The following GALNT14 variants were observed in gnomAD, a reference collection of about 807,000 sequenced individuals.
GALNT14 encodes UDP-GalNAc:polypeptide N-acetylgalactosaminyltransferase 14.
A neutral mutation model predicts 77.5 loss-of-function variants in GALNT14; 60 were observed. That is an observed-to-expected ratio of 0.77 (90% confidence interval 0.63 to 0.96). GALNT14 has a LOEUF of 0.96. GALNT14 is among the 40% of genes least tolerant of loss of function. GALNT14 has a pLI of 0.00. For synonymous variants in GALNT14, 280 were observed against 281.7 expected (o/e 0.99, Z 0.06); for missense variants, 710 against 731.0 (o/e 0.97, Z 0.33).
chr2:31,048,170 CAG>C (rs1158450028), intron 1 of GALNT14, among the ~76,000 whole-genome samples: 1 of 152,250 alleles, frequency 6.6e-6, no homozygotes. Flanking sequence ...AGGGGATGTG[CAG>C]AGTCAGGGAT....
At chr2:30,958,796 T>C (rs1478241933) in intron 3 of GALNT14, among the ~76,000 whole-genome samples, 4 of 152,170 alleles carry the variant, frequency 2.6e-5, no homozygotes, top group African/African-American at 9.7e-5. Flanking sequence ...TCACTTCTTA[T>C]ATCTCTCCCC....
At chr2:31,032,501 A>G (rs1025125193) in intron 1 of GALNT14, among the ~76,000 whole-genome samples, 4 of 152,122 alleles carry the variant, frequency 2.6e-5, no homozygotes, top group Non-Finnish European at 5.9e-5. Flanking sequence ...AGCTGGGCTT[A>G]ATTGTTGCTG....
At chr2:30,897,525 T>C in the GALNT14 span, among the ~76,000 whole-genome samples, 1 of 152,204 alleles carries the variant, frequency 6.6e-6, no homozygotes, top group African/African-American at 2.4e-5. Flanking sequence ...GAAGCAGAGC[T>C]GGAGCTGGCG....
chr2:31,024,470 T>A (rs1040407754), intron 1 of GALNT14, among the ~76,000 whole-genome samples: 1 of 152,036 alleles, frequency 6.6e-6, no homozygotes, highest in Non-Finnish European at 1.5e-5. Flanking sequence ...ACCAGGTTCC[T>A]CCCCAGGCCA....
At chr2:30,928,798 G>A (rs1665544695) in intron 11 of GALNT14, among the ~76,000 whole-genome samples, 1 of 152,096 alleles carries the variant, frequency 6.6e-6, no homozygotes, top group East Asian at 1.9e-4. Flanking sequence ...TGTATTTTTA[G>A]TAGAGTTGGG....
At chr2:30,924,374 A>G (rs533516919) in intron 12 of GALNT14, 111 bp from the exon 13 acceptor site, 1 of 1,174,828 alleles carries the variant, frequency 8.5e-7, no homozygotes, top group East Asian at 2.3e-5. Context: ...GGGCTGTTAG[A>G]AAATATCTGC....
intron 1 of GALNT14, among the ~76,000 whole-genome samples, chr2:31,110,284 A>G (rs1215383651): frequency 6.6e-6 from 1 of 152,116 alleles, no homozygotes; most frequent in Non-Finnish European, 1.5e-5. Context: ...CACTCTATTC[A>G]CTATTCTCTG....
At chr2:30,950,258 GA>G (rs890430394) in intron 6 of GALNT14, among the ~76,000 whole-genome samples, 8 of 148,722 alleles carry the variant, frequency 5.4e-5, no homozygotes, top group Non-Finnish European at 8.9e-5. Flanking sequence ...TAAGGAGACT[GA>G]AAAAAAAATA....
At chr2:30,964,319 G>A (rs1343528992) in intron 3 of GALNT14, among the ~76,000 whole-genome samples, 1 of 152,160 alleles carries the variant, frequency 6.6e-6, no homozygotes, top group Non-Finnish European at 1.5e-5. Flanking sequence ...ACAACGGCAG[G>A]GCTGTGGTCT....
intron 1 of GALNT14, among the ~76,000 whole-genome samples, chr2:31,023,443 G>A (rs189540558): frequency 7.3e-4 from 111 of 152,002 alleles, no homozygotes; most frequent in Middle Eastern, 3.4e-3. Context: ...GCATACATGC[G>A]GTGAATTTCC....
intron 1 of GALNT14, among the ~76,000 whole-genome samples, chr2:31,085,044 C>T (rs1026089670): frequency 6.6e-6 from 1 of 150,500 alleles, no homozygotes; most frequent in Non-Finnish European, 1.5e-5. Context: ...AAAAAAGTAA[C>T]ATGTGTGACA....
chr2:31,086,044 T>C (rs1676412512), intron 1 of GALNT14, among the ~76,000 whole-genome samples: 1 of 152,164 alleles, frequency 6.6e-6, no homozygotes, highest in South Asian at 2.1e-4. Flanking sequence ...CAAGATTCAA[T>C]TACCTCCCAC....
intron 1 of GALNT14, among the ~76,000 whole-genome samples, chr2:31,088,507 T>C (rs1676570579): frequency 1.3e-5 from 2 of 152,040 alleles, no homozygotes; most frequent in Admixed American, 6.6e-5. Flanking sequence ...AGCCTCTGGA[T>C]GAAGGAGAAT....
In GALNT14 at chr2:30,950,592, C is replaced by A. The variant is rs577288596; in HGVS notation, c.655-4722G>T. 3.9e-5 allele frequency among the ~76,000 whole-genome samples: 6 copies of A among 152,336 alleles called. No homozygotes were observed. The East Asian group carries it at 1.2e-3, about 29-fold the overall frequency. On this transcript the variant is annotated intron_variant, in intron 6 of 14. Transcript: ENST00000349752. The stretch of plus-strand genomic sequence containing the variant: ...TCCCCAAAGGGCTGGCCCAGAGGAA[C>A]TGTTCCAGGTCATTAAAGGAGTCAG...
intron 1 of GALNT14, among the ~76,000 whole-genome samples, chr2:31,007,439 C>T (rs184503605): frequency 7.2e-4 from 110 of 152,304 alleles, no homozygotes; most frequent in African/African-American, 2.4e-3. Flanking sequence ...CCAAATGACA[C>T]GCGTGTCACC....
intron 9 of GALNT14, among the ~76,000 whole-genome samples, chr2:30,932,500 A>G (rs1665799149): frequency 6.6e-6 from 1 of 152,262 alleles, no homozygotes; most frequent in South Asian, 2.1e-4. Flanking sequence ...CCTGGAAAGG[A>G]GGAGCCTTGG....
At chr2:31,060,116 A>G (rs182409585) in intron 1 of GALNT14, among the ~76,000 whole-genome samples, 1 of 152,346 alleles carries the variant, frequency 6.6e-6, no homozygotes, top group Admixed American at 6.5e-5. Context: ...CGACAGGTGA[A>G]GAGACCAAAG....
intron 1 of GALNT14, among the ~76,000 whole-genome samples, chr2:31,131,757 C>A (rs1328897137): frequency 6.6e-6 from 1 of 152,154 alleles, no homozygotes; most frequent in Non-Finnish European, 1.5e-5. Flanking sequence ...CCCACGGCAG[C>A]CTTATTCCGT....
At chr2:31,084,222 C>A (rs374829577) in intron 1 of GALNT14, among the ~76,000 whole-genome samples, 1 of 152,152 alleles carries the variant, frequency 6.6e-6, no homozygotes, top group African/African-American at 2.4e-5. Context: ...GATAAGGAAA[C>A]GGTCTCAGAG....
Sources: allele counts gnomAD v4.1 joint callset (sites outside exome capture counted in the v4.1 genomes callset), GRCh38; gene constraint gnomAD v4.1.1; transcripts MANE v1.5; gene names NCBI Gene and HGNC (gene_info 2026-07-23, HGNC 2026-07-21).